The following GLIS3 variants were observed in gnomAD, a reference collection of about 807,000 sequenced individuals.
GLIS3 encodes GLIS family zinc finger 3, also known as zinc finger protein GLIS3.
In GLIS3, 53 loss-of-function variants were observed where a neutral mutation model predicts 78.6. That is an observed-to-expected ratio of 0.67 (90% CI 0.54 to 0.85). GLIS3 has a LOEUF of 0.85. Ranked by LOEUF, GLIS3 falls within the 40% of genes least tolerant of loss-of-function variation. The pLI is 0.00. For missense variants in GLIS3, 1,703 were observed against 1,231.1 expected, an observed-to-expected ratio of 1.38 and a Z score of -5.74; for synonymous variants, 684 against 509.9, an observed-to-expected ratio of 1.34 and a Z score of -4.60.
At chr9:4,341,820 C>T (rs1245571964) in intron 2 of GLIS3, among the ~76,000 whole-genome samples, 1 of 152,146 alleles carries the variant, frequency 6.6e-6, no homozygotes, top group Admixed American at 6.5e-5. Context: ...TTTCTGTCAT[C>T]ACCTTTTTCC....
At chr9:4,430,028 T>TAAACAAAC in the GLIS3 span, among the ~76,000 whole-genome samples, 483 of 150,658 alleles carry the variant, frequency 3.2e-3, 4 homozygotes, top group African/African-American at 1.0e-2. Flanking sequence ...CTCTTTCTAT[T>TAAACAAAC]AAACAAACAA....
At chr9:4,257,627 G>C (rs10814901) in intron 2 of GLIS3, among the ~76,000 whole-genome samples, 25,573 of 149,548 alleles carry the variant, frequency 0.17, 2,662 homozygotes, top group East Asian at 0.24. Flanking sequence ...AGGTTGGAGT[G>C]CACTGGCACA....
intron 4 of GLIS3, among the ~76,000 whole-genome samples, chr9:4,093,527 C>T (rs1163225686): frequency 6.6e-6 from 1 of 152,176 alleles, no homozygotes; most frequent in Non-Finnish European, 1.5e-5. Context: ...GGTGCTGGCC[C>T]TAAATCCAAA....
chr9:3,867,216 T>A (rs10973924), intron 8 of GLIS3, among the ~76,000 whole-genome samples: 5,851 of 152,326 alleles, frequency 0.038, 160 homozygotes, highest in Middle Eastern at 0.071. Context: ...GGAAGCCAGT[T>A]TAGCAATGTT....
At chr9:4,170,417 CCA>C (rs869181220) in intron 2 of GLIS3, among the ~76,000 whole-genome samples, 1 of 125,486 alleles carries the variant, frequency 8.0e-6, no homozygotes, top group Non-Finnish European at 1.8e-5. Context: ...TTTTCCAAAA[CCA>C]CACATGAGTC....
chr9:4,300,214 A>T (rs1482287815), upstream of GLIS3, among the ~76,000 whole-genome samples: 2 of 10,834 alleles, frequency 1.8e-4, no homozygotes, highest in Non-Finnish European at 9.6e-4. Context: ...GCATTCACAC[A>T]CACACACACA....
chr9:4,470,112 A>G, the GLIS3 span, among the ~76,000 whole-genome samples: 5 of 152,218 alleles, frequency 3.3e-5, no homozygotes, highest in African/African-American at 1.2e-4. Flanking sequence ...GCAATAATTA[A>G]TAACCCACCA....
chr9:4,434,235 A>T, the GLIS3 span, among the ~76,000 whole-genome samples: 1 of 152,094 alleles, frequency 6.6e-6, no homozygotes, highest in Non-Finnish European at 1.5e-5. Flanking sequence ...CATATGTTTT[A>T]TATATTTCCA....
chr9:4,386,293 G>C, the GLIS3 span: 1 of 152,136 alleles, frequency 6.6e-6, no homozygotes, highest in African/African-American at 2.4e-5. Flanking sequence ...TTATAGGGCT[G>C]CAATGAACAT....
At chr9:4,112,548 T>C (rs1831306193) in intron 4 of GLIS3, among the ~76,000 whole-genome samples, 1 of 152,164 alleles carries the variant, frequency 6.6e-6, no homozygotes, top group African/African-American at 2.4e-5. Context: ...ATCACAAATT[T>C]TGAAGATGGG....
At chr9:4,383,662 A>T in the GLIS3 span, among the ~76,000 whole-genome samples, 1 of 152,240 alleles carries the variant, frequency 6.6e-6, no homozygotes, top group African/African-American at 2.4e-5. Context: ...ATCTAGATGT[A>T]TAAGTCCAAA....
At chr9:4,274,329 G>T (rs900407542) in intron 2 of GLIS3, among the ~76,000 whole-genome samples, 1 of 152,122 alleles carries the variant, frequency 6.6e-6, no homozygotes, top group Admixed American at 6.5e-5. Context: ...TTTCTTCTTA[G>T]GTCTCTCTCT....
At chr9:4,229,449 T>G (rs1427777354) in intron 2 of GLIS3, among the ~76,000 whole-genome samples, 1 of 152,196 alleles carries the variant, frequency 6.6e-6, no homozygotes, top group Non-Finnish European at 1.5e-5. Context: ...GAGCACAACC[T>G]ACTGGAATAA....
intron 2 of GLIS3, among the ~76,000 whole-genome samples, chr9:4,232,738 C>T (rs915324353): frequency 3.9e-5 from 6 of 152,084 alleles, no homozygotes; most frequent in African/African-American, 1.4e-4. Flanking sequence ...GACACAGAAA[C>T]GTTATCTAAT....
chr9:4,478,519 G>A, the GLIS3 span, among the ~76,000 whole-genome samples: 1,237 of 151,992 alleles, frequency 8.1e-3, 14 homozygotes, highest in African/African-American at 0.029. Flanking sequence ...GCTGAGGCAC[G>A]GAAATCGCTT....
At chr9:4,027,078 A>G (rs1823408962) in intron 4 of GLIS3, among the ~76,000 whole-genome samples, 1 of 152,212 alleles carries the variant, frequency 6.6e-6, no homozygotes, top group Non-Finnish European at 1.5e-5. Flanking sequence ...TTCTCTCAGC[A>G]ATAAATGTGA....
intron 2 of GLIS3, among the ~76,000 whole-genome samples, chr9:4,312,319 A>C (rs1817375730): frequency 6.6e-6 from 1 of 152,120 alleles, no homozygotes; most frequent in South Asian, 2.1e-4. Context: ...AATACAAAGA[A>C]GAGCCAGGCA....
At chr9:4,453,944 T>C in the GLIS3 span, among the ~76,000 whole-genome samples, 1 of 152,050 alleles carries the variant, frequency 6.6e-6, no homozygotes, top group Admixed American at 6.5e-5. Context: ...CATGTATACC[T>C]ATGTAACAAA....
chr9:4,403,802 G>T, the GLIS3 span, among the ~76,000 whole-genome samples: 3 of 151,766 alleles, frequency 2.0e-5, no homozygotes, highest in Admixed American at 1.3e-4. Flanking sequence ...AGGAAGGAAG[G>T]AAAGAAGGAA....
Sources: gnomAD v4.1 joint callset for allele counts (sites outside exome capture counted in the v4.1 genomes callset) on GRCh38, gnomAD v4.1.1 for gene constraint, MANE v1.5 for transcripts, NCBI Gene and HGNC (gene_info 2026-07-23, HGNC 2026-07-21) for gene names.